The following SNTA1 variants were observed in gnomAD, a reference collection of about 807,000 sequenced individuals.
The protein encoded by SNTA1 is alpha-1-syntrophin.
A neutral mutation model predicts 47.1 loss-of-function variants in SNTA1; 31 were observed. That is an observed-to-expected ratio of 0.66 (90% CI 0.49 to 0.89). SNTA1 has a LOEUF of 0.89. Ranked by LOEUF, SNTA1 falls within the 40% of genes least tolerant of loss-of-function variation. The pLI, the probability that SNTA1 is intolerant of heterozygous loss-of-function variation, is 0.00. For synonymous variants in SNTA1, 300 were observed against 313.6 expected, an observed-to-expected ratio of 0.96 and a Z score of 0.46; for missense variants, 575 against 693.0, an observed-to-expected ratio of 0.83 and a Z score of 1.91.
chr20:33,443,549 G>A lies in SNTA1; in HGVS notation c.72C>T (p.Gly24=). The stretch of plus-strand genomic sequence containing the variant: ...GCAGCACCCGCTGCCATCGCTCGCC[G>A]CCGGCCCCCGAGCCCGCCCCGGCGC... The part of the protein sequence containing the change: ...ELRAGAGSGA[G]GERWQRVLLS... Residue 24 remains glycine, a synonymous_variant, in exon 1 of 8, where the codon GGC becomes GGT. Transcript: ENST00000217381. 1 of 1,336,674 alleles carries A rather than the reference G, an allele frequency of 7.5e-7. No individual in the cohort carries two copies. The highest frequency in any genetic ancestry group is 9.6e-7 in the Non-Finnish European group (1 of 1,036,320). 82.8% of individuals were successfully genotyped at this position (1,336,674 alleles called of 1,614,324 possible).
chr20:33,422,410 G>A (rs560265414), intron 2 of SNTA1, among the ~76,000 whole-genome samples: 3 of 150,184 alleles, frequency 2.0e-5, no homozygotes, highest in South Asian at 4.2e-4. Context: ...TTGCACTCCA[G>A]CCTGGGCGAC....
chr20:33,440,575 G>A (rs768959168), intron 1 of SNTA1, among the ~76,000 whole-genome samples: 12 of 152,252 alleles, frequency 7.9e-5, no homozygotes, highest in Non-Finnish European at 1.6e-4. Flanking sequence ...GAACCCAGGA[G>A]GTGGAGGTTG....
At chr20:33,409,907 A>G (rs1189636231) in intron 6 of SNTA1, among the ~76,000 whole-genome samples, 1 of 152,176 alleles carries the variant, frequency 6.6e-6, no homozygotes, top group Non-Finnish European at 1.5e-5. Context: ...CTGCGATTAC[A>G]GGCGTGAGCC....
chr20:33,438,061 G>A (rs556826993), intron 2 of SNTA1, among the ~76,000 whole-genome samples: 5 of 152,218 alleles, frequency 3.3e-5, no homozygotes, highest in African/African-American at 9.7e-5. Flanking sequence ...AGCACTTTGG[G>A]AGACTGAGGT....
At chr20:33,436,730 AG>A (rs1335064023) in intron 2 of SNTA1, among the ~76,000 whole-genome samples, 1 of 151,946 alleles carries the variant, frequency 6.6e-6, no homozygotes, top group East Asian at 1.9e-4. Context: ...TGGGAGGCCG[AG>A]GCAGGCAGAT....
At chr20:33,420,687 A>G (rs151187813) in intron 2 of SNTA1, among the ~76,000 whole-genome samples, 73 of 152,236 alleles carry the variant, frequency 4.8e-4, no homozygotes, top group African/African-American at 1.5e-3. Flanking sequence ...ACTATTGAAA[A>G]TGCAGTTCCC....
At chr20:33,442,296 G>A (rs1176196928) in intron 1 of SNTA1, among the ~76,000 whole-genome samples, 1 of 152,112 alleles carries the variant, frequency 6.6e-6, no homozygotes, top group Non-Finnish European at 1.5e-5. Context: ...CCAGTACCAG[G>A]GAGACCCCAG....
intron 1 of SNTA1, among the ~76,000 whole-genome samples, chr20:33,439,861 T>C (rs959537049): frequency 6.6e-6 from 1 of 152,130 alleles, no homozygotes; most frequent in Non-Finnish European, 1.5e-5. Context: ...GGCTTATGCC[T>C]GTAATCCCAG....
intron 4 of SNTA1, 74 bp from the exon 5 acceptor site, chr20:33,412,500 CA>C: frequency 6.2e-7 from 1 of 1,604,234 alleles, no homozygotes. Context: ...GTGAGGTGGC[CA>C]GGGGCACTGG....
intron 2 of SNTA1, among the ~76,000 whole-genome samples, chr20:33,436,967 A>G: frequency 6.9e-6 from 1 of 144,422 alleles, no homozygotes; most frequent in Non-Finnish European, 1.5e-5. Flanking sequence ...CCATCTCAAA[A>G]AAAAAAAAAA....
chr20:33,438,544 CCT>C (rs1990498227), intron 2 of SNTA1, among the ~76,000 whole-genome samples: 5 of 152,010 alleles, frequency 3.3e-5, no homozygotes, highest in African/African-American at 7.2e-5. Flanking sequence ...GAGCTACATC[CCT>C]GTTTTACAAA....
chr20:33,423,601 G>T (rs1281616074), intron 2 of SNTA1, among the ~76,000 whole-genome samples: 1 of 152,188 alleles, frequency 6.6e-6, no homozygotes, highest in East Asian at 1.9e-4. Flanking sequence ...CTCTGCCAAG[G>T]AGGGAAGCCA....
Position 33,410,159 on chromosome 20 carries a change from C to T in SNTA1, c.1213G>A (p.Glu405Lys), listed in dbSNP as rs753334914. 8 of 1,614,110 alleles carry T rather than the reference C, an allele frequency of 5.0e-6. No homozygotes were observed. Among genetic ancestry groups the T allele is most frequent in the South Asian group, 1.1e-5 (1 of 91,086 alleles). ...QLVDGCHRAA[E>K]GVQEVSTACT... is the part of the protein sequence containing the mutation. ...CCTGTAGACACCTCCTGCACACCCT[C>T]GGCGGCCCGGTGACAGCCATCCACA... Residue 405 changes from glutamate to lysine, a missense_variant, in exon 6 of 8, where the codon GAG becomes AAG. Transcript: ENST00000217381.
intron 5 of SNTA1, among the ~76,000 whole-genome samples, chr20:33,410,944 A>G (rs1989725403): frequency 1.3e-5 from 2 of 152,170 alleles, no homozygotes; most frequent in Non-Finnish European, 2.9e-5. Context: ...CAGACAGTCC[A>G]GGACCTAGTT....
Position 33,443,475 on chromosome 20 carries a change from G to A in SNTA1, c.146C>T (p.Pro49Leu). Residue 49 changes from proline (P) to leucine (L), a missense_variant, in exon 1 of 8, where the codon CCT (proline) becomes CTT (leucine). Coordinates refer to ENST00000217381, the MANE Select transcript of SNTA1 (RefSeq NM_003098.3). Reference sequence around the variant, plus strand: ...CCGCGGAGCGCCGGGCTCGGGACCAGGGTCGCCGTCGGCGGGGCTCACGGT... The same window carrying A: ...CCGCGGAGCGCCGGGCTCGGGACCAAGGTCGCCGTCGGCGGGGCTCACGGT... ...VLTVSPADGD[P>L]GPEPGAPREQ... The A allele has an allele frequency of 7.2e-7, 1 of 1,379,634 alleles. No individual in the cohort carries two copies. The highest frequency in any genetic ancestry group is 9.4e-7 in the Non-Finnish European group (1 of 1,062,138). 85.5% of individuals were successfully genotyped at this position (1,379,634 alleles called of 1,614,324 possible).
chr20:33,422,295 C>T (rs900266552), intron 2 of SNTA1, among the ~76,000 whole-genome samples: 1 of 151,910 alleles, frequency 6.6e-6, no homozygotes, highest in African/African-American at 2.4e-5. Context: ...AAAAATTAGC[C>T]GGGCATGGTG....
chr20:33,429,352 A>G (rs1436463243), intron 2 of SNTA1, among the ~76,000 whole-genome samples: 2 of 149,994 alleles, frequency 1.3e-5, no homozygotes, highest in East Asian at 4.1e-4. Flanking sequence ...AAAAAAAAAA[A>G]AAAAAAAAAA....
intron 2 of SNTA1, among the ~76,000 whole-genome samples, chr20:33,436,616 C>T (rs1990444901): frequency 6.6e-6 from 1 of 151,742 alleles, no homozygotes; most frequent in Admixed American, 6.6e-5. Flanking sequence ...TGGGAGGATC[C>T]CTTAAGCCCA....
In SNTA1 at chr20:33,443,504, C is replaced by T. The variant is rs1057520474; in HGVS notation, c.117G>A (p.Val39=). 1.4e-6 allele frequency: 2 copies of T among 1,379,802 alleles called. No individual in the cohort carries two copies. Among genetic ancestry groups the T allele is most frequent in the Non-Finnish European group, 1.9e-6 (2 of 1,061,582 alleles). 85.5% of individuals were successfully genotyped at this position (1,379,802 alleles called of 1,614,324 possible). ...QRVLLSLAED[V]LTVSPADGDP... Reference sequence around the variant, plus strand: ...CGCCGTCGGCGGGGCTCACGGTCAGCACGTCCTCCGCCAGACTCAGCAGCA... The same window carrying T: ...CGCCGTCGGCGGGGCTCACGGTCAGTACGTCCTCCGCCAGACTCAGCAGCA... Residue 39 remains valine, a synonymous_variant, in exon 1 of 8, where the codon GTG becomes GTA. Transcript: ENST00000217381.
Sources: allele counts gnomAD v4.1 joint callset (sites outside exome capture counted in the v4.1 genomes callset), GRCh38; gene constraint gnomAD v4.1.1; transcripts MANE v1.5; gene names NCBI Gene and HGNC (gene_info 2026-07-23, HGNC 2026-07-21).